The following PPP1R12B variants were observed in gnomAD, a reference collection of about 807,000 sequenced individuals.
The protein encoded by PPP1R12B is myosin phosphatase target subunit 2.
PPP1R12B carries 76 observed loss-of-function variants against 126.1 expected under a neutral mutation model. The ratio of observed to expected loss-of-function variants is 0.60; its 90% CI spans 0.50 to 0.73. PPP1R12B has a LOEUF of 0.73. Ranked by LOEUF, PPP1R12B falls within the 30% of genes least tolerant of loss-of-function variation. PPP1R12B has a pLI of 0.00. For synonymous variants in PPP1R12B, 356 were observed against 434.7 expected, an observed-to-expected ratio of 0.82 and a Z score of 2.25; for missense variants, 1,052 against 1,205.1, an observed-to-expected ratio of 0.87 and a Z score of 1.88.
intron 18 of PPP1R12B, among the ~76,000 whole-genome samples, chr1:202,504,359 C>T (rs1400416635): frequency 1.3e-5 from 2 of 152,112 alleles, no homozygotes; most frequent in Non-Finnish European, 2.9e-5. Flanking sequence ...CACCACTGCA[C>T]ATCAGTCTGG....
chr1:202,363,904 G>A (rs930506245), intron 1 of PPP1R12B, among the ~76,000 whole-genome samples: 1 of 152,060 alleles, frequency 6.6e-6, no homozygotes, highest in African/African-American at 2.4e-5. Flanking sequence ...GGGACTACAG[G>A]CACACGCCAC....
At chr1:202,526,607 G>A (rs528987647) in intron 18 of PPP1R12B, among the ~76,000 whole-genome samples, 16 of 152,220 alleles carry the variant, frequency 1.1e-4, no homozygotes, top group East Asian at 1.9e-4. Flanking sequence ...ATGTAAGCTC[G>A]ATAAAGAGGA....
chr1:202,354,021 G>C (rs2148375944), intron 1 of PPP1R12B, among the ~76,000 whole-genome samples: 1 of 152,250 alleles, frequency 6.6e-6, no homozygotes, highest in South Asian at 2.1e-4. Context: ...AATATATATG[G>C]ATTAAGCACA....
intron 13 of PPP1R12B, among the ~76,000 whole-genome samples, chr1:202,457,318 G>A (rs552855624): frequency 2.6e-5 from 4 of 152,258 alleles, no homozygotes; most frequent in Middle Eastern, 3.4e-3. Flanking sequence ...GGGAGGCCGA[G>A]GCGGGTGGAC....
chr1:202,359,392 C>G (rs1298636444), intron 1 of PPP1R12B, among the ~76,000 whole-genome samples: 2 of 151,974 alleles, frequency 1.3e-5, no homozygotes, highest in African/African-American at 4.8e-5. Flanking sequence ...CTCAGCCTCC[C>G]AAAGTTTTGG....
Position 202,437,959 on chromosome 1 carries a change from G to C in PPP1R12B, c.1393G>C (p.Gly465Arg). The C allele has an allele frequency of 6.2e-7, 1 of 1,614,106 alleles. No individual in the cohort carries two copies. The highest frequency in any genetic ancestry group is 2.2e-5 in the East Asian group (1 of 44,864). Residue 465 changes from glycine to arginine, a missense_variant, in exon 10 of 24, where the codon GGC (glycine) becomes CGC (arginine). Transcript: ENST00000608999. ...TTCCAGGGAACCTATAAGGGACCGA[G>C]GCTCTTCCATCTATCGCTCCTCTTC... ...ANSREPIRDR[G>R]SSIYRSSSSP...
At chr1:202,558,851 T>G in intron 18 of PPP1R12B, 26 bp from the exon 19 acceptor site, 2 of 1,460,042 alleles carry the variant, frequency 1.4e-6, no homozygotes, top group Non-Finnish European at 1.9e-6. Flanking sequence ...TCTTTTTTTG[T>G]TTTTGTTTTT....
At chr1:202,520,674 G>C (rs1050562640) in intron 18 of PPP1R12B, among the ~76,000 whole-genome samples, 2 of 152,102 alleles carry the variant, frequency 1.3e-5, no homozygotes, top group African/African-American at 4.8e-5. Context: ...TTACAGACTG[G>C]TGAGATCAGG....
At chr1:202,389,366 C>T (rs756813984) in intron 1 of PPP1R12B, among the ~76,000 whole-genome samples, 7 of 152,112 alleles carry the variant, frequency 4.6e-5, no homozygotes, top group Non-Finnish European at 7.4e-5. Context: ...TTTAACCGGC[C>T]GGGCGCGGTG....
intron 1 of PPP1R12B, among the ~76,000 whole-genome samples, chr1:202,384,245 T>C (rs1003173044): frequency 6.6e-6 from 1 of 152,234 alleles, no homozygotes; most frequent in Non-Finnish European, 1.5e-5. Flanking sequence ...TAACAACTTG[T>C]ACATCATTGT....
chr1:202,555,910 CTG>C (rs1306164575), intron 18 of PPP1R12B, among the ~76,000 whole-genome samples: 1 of 150,000 alleles, frequency 6.7e-6, no homozygotes, highest in Admixed American at 6.7e-5. Flanking sequence ...GAGTCTCACT[CTG>C]TCTCCCAGGC....
intron 13 of PPP1R12B, chr1:202,462,662 T>C (rs1028199007): frequency 3.0e-5 from 15 of 500,276 alleles, no homozygotes; most frequent in African/African-American, 4.2e-5. Flanking sequence ...TGGTGACATG[T>C]AGGAGGGACC....
At chr1:202,358,820 A>T (rs767240537) in intron 1 of PPP1R12B, among the ~76,000 whole-genome samples, 5 of 152,236 alleles carry the variant, frequency 3.3e-5, no homozygotes, top group African/African-American at 4.8e-5. Context: ...TATATTTAGT[A>T]TACTTAAATG....
chr1:202,409,707 A>T (rs1667138876), intron 1 of PPP1R12B, among the ~76,000 whole-genome samples: 1 of 152,050 alleles, frequency 6.6e-6, no homozygotes. Context: ...TGTGTTGCCC[A>T]CGCTTGAGGG....
At chr1:202,469,047 G>A (rs1467338265) in intron 13 of PPP1R12B, among the ~76,000 whole-genome samples, 1 of 152,164 alleles carries the variant, frequency 6.6e-6, no homozygotes, top group African/African-American at 2.4e-5. Flanking sequence ...AATATGTAGG[G>A]AATTAGGGTC....
chr1:202,438,408 G>A (rs1486884154), intron 10 of PPP1R12B: 10 of 556,050 alleles, frequency 1.8e-5, no homozygotes, highest in Non-Finnish European at 1.2e-5. Context: ...GGCTTCGTGT[G>A]CTGAACCCTC....
At position 202,586,812 on chromosome 1, in the gene PPP1R12B, T is replaced by TAAAG. The variant is rs1689843918; in HGVS notation, c.*6254_*6257dup. 6.6e-6 allele frequency: 1 copy of TAAAG among 152,240 alleles called. No individual in the cohort carries two copies. Among genetic ancestry groups the TAAAG allele is most frequent in the Admixed American group, 6.5e-5 (1 of 15,288 alleles). The allele number at this position is 152,240 out of a possible 1,614,324, so 9.4% of individuals were successfully genotyped here. On this transcript the variant is annotated 3_prime_UTR_variant, in exon 24 of 24. Coordinates refer to ENST00000608999, the MANE Select transcript of PPP1R12B (RefSeq NM_002481.4). ...ACTGTAAGTAAGAGGTGGGTGTGTC[T>TAAAG]AAAGACAATACCATTAATGAATGTT...
intron 13 of PPP1R12B, among the ~76,000 whole-genome samples, chr1:202,471,398 T>G (rs1219510071): frequency 1.3e-5 from 2 of 152,042 alleles, no homozygotes; most frequent in Non-Finnish European, 2.9e-5. Flanking sequence ...ACATTCTTGT[T>G]CATGTTTCTT....
chr1:202,370,940 C>CGA (rs1660119104), intron 1 of PPP1R12B, among the ~76,000 whole-genome samples: 1 of 150,830 alleles, frequency 6.6e-6, no homozygotes, highest in South Asian at 2.1e-4. Flanking sequence ...GTTTGCTCCA[C>CGA]ATCTTTGTTG....
Sources: allele counts gnomAD v4.1 joint callset (sites outside exome capture counted in the v4.1 genomes callset), GRCh38; gene constraint gnomAD v4.1.1; transcripts MANE v1.5; gene names NCBI Gene and HGNC (gene_info 2026-07-23, HGNC 2026-07-21).